ATP11C: variants seen among roughly 807,000 people sequenced by gnomAD.
ATP11C encodes ATPase phospholipid transporting 11C (ATP11C blood group).
A neutral mutation model predicts 97.4 loss-of-function variants in ATP11C; 36 were observed. The observed-to-expected ratio is 0.37, with a 90% CI of 0.28 to 0.49. The LOEUF (loss-of-function observed/expected upper bound fraction) is 0.49, where lower values mean the gene tolerates loss of function less well. Among genes scored for constraint, ATP11C ranks in the 20% least tolerant of loss-of-function variants. The pLI, the probability that ATP11C is intolerant of heterozygous loss-of-function variation, is 0.98. For synonymous variants in ATP11C, 275 were observed against 290.9 expected (o/e 0.95, Z 0.56); for missense variants, 730 against 824.6 (o/e 0.89, Z 1.40).
At chrX:139,789,530 G>A in intron 12 of ATP11C, 42 bp from the exon 13 acceptor site, 1 of 1,069,186 alleles carries the variant, frequency 9.4e-7, no homozygotes, top group Non-Finnish European at 1.2e-6. Context: ...TTTCTTCAGT[G>A]TGACTAATTT....
chrX:139,750,363 C>T (rs1017639011), intron 23 of ATP11C, among the ~76,000 whole-genome samples: 2 of 111,578 alleles, frequency 1.8e-5, no homozygotes, highest in African/African-American at 6.5e-5. Context: ...AATACACCTC[C>T]CCTTTAACAG....
rs139291634 is a variant in ATP11C at position 139,851,727 on chromosome X, T to C, written c.28-24904A>G. On this transcript the variant is annotated intron_variant, in intron 1 of 29. Transcript: ENST00000682941. ...TGGGGGCCAAATCTCTATCCCAGTG[T>C]ACCCAGGATGCAGGATATGTAGTCA... Among the ~76,000 whole-genome samples, 292 of 111,951 alleles carry C rather than the reference T, an allele frequency of 2.6e-3. 3 individuals carry two copies. The highest frequency in any genetic ancestry group is 8.9e-3 in the African/African-American group (275 of 30,817).
chrX:139,773,364 A>G lies in ATP11C; in HGVS notation c.2216+1326T>C, dbSNP rs939134822. On this transcript the variant is annotated intron_variant, in intron 19 of 29. Transcript: ENST00000682941. ...ATGAAGGTGGGGCCTCCATGATGGG[A>G]TTACTGCCCTTATAAGAGGAAGAGA... 6.3e-5 allele frequency among the ~76,000 whole-genome samples: 7 copies of G among 111,197 alleles called. 1 individual carries two copies. In the East Asian group the frequency reaches 1.1e-3, roughly 18 times the overall value.
At chrX:139,920,803 C>T (rs914272920) in intron 1 of ATP11C, among the ~76,000 whole-genome samples, 2 of 111,675 alleles carry the variant, frequency 1.8e-5, no homozygotes, top group East Asian at 2.8e-4. Flanking sequence ...GTAAAAGATC[C>T]CCCTGGAGCT....
chrX:139,899,417 C>A (rs1430209198), intron 1 of ATP11C, among the ~76,000 whole-genome samples: 3 of 106,795 alleles, frequency 2.8e-5, no homozygotes, highest in Non-Finnish European at 5.8e-5. Flanking sequence ...GCAGAGGTTG[C>A]AGTGAGCTGA....
chrX:139,844,665 A>G (rs932988228), intron 1 of ATP11C, among the ~76,000 whole-genome samples: 2 of 112,103 alleles, frequency 1.8e-5, no homozygotes, highest in Non-Finnish European at 3.8e-5. Context: ...GTGTGTGTGT[A>G]GGGGCCTGTG....
intron 1 of ATP11C, among the ~76,000 whole-genome samples, chrX:139,895,105 A>T (rs2084785458): frequency 1.8e-5 from 2 of 112,579 alleles, no homozygotes; most frequent in South Asian, 7.2e-4. Flanking sequence ...GTAAACGGAT[A>T]TAAGAGATAC....
intron 1 of ATP11C, among the ~76,000 whole-genome samples, chrX:139,859,996 T>C (rs1308182884): frequency 1.1e-5 from 1 of 89,909 alleles, no homozygotes; most frequent in Non-Finnish European, 2.0e-5. Context: ...TCCCAGCTAC[T>C]TGGGAGGCTG....
intron 1 of ATP11C, among the ~76,000 whole-genome samples, chrX:139,842,351 C>T (rs2083846608): frequency 2.7e-5 from 3 of 112,500 alleles, no homozygotes; most frequent in Admixed American, 9.4e-5. Flanking sequence ...TTCCTCCTGC[C>T]ATGTGCCATA....
intron 25 of ATP11C, among the ~76,000 whole-genome samples, chrX:139,745,383 G>C (rs2081659069): frequency 9.0e-6 from 1 of 111,664 alleles, no homozygotes. Flanking sequence ...AGTAAAAACT[G>C]AATGCGGCCA....
intron 1 of ATP11C, among the ~76,000 whole-genome samples, chrX:139,864,047 G>A (rs945275792): frequency 1.1e-4 from 12 of 111,164 alleles, no homozygotes; most frequent in South Asian, 3.8e-4. Context: ...CAGTCTGGGC[G>A]ACAGAGCAAG....
chrX:139,928,085 T>C (rs1569493951), intron 1 of ATP11C, among the ~76,000 whole-genome samples: 1 of 112,055 alleles, frequency 8.9e-6, no homozygotes, highest in East Asian at 2.8e-4. Context: ...AGGAAAATGT[T>C]AATTTATTAC....
intron 1 of ATP11C, among the ~76,000 whole-genome samples, chrX:139,920,570 G>T (rs1299149028): frequency 9.0e-6 from 1 of 111,395 alleles, no homozygotes; most frequent in South Asian, 3.8e-4. Context: ...GTTTCTTTTT[G>T]AGGTAGTGGA....
intron 2 of ATP11C, among the ~76,000 whole-genome samples, chrX:139,823,818 G>A (rs951651504): frequency 2.2e-4 from 25 of 111,455 alleles, no homozygotes; most frequent in Non-Finnish European, 3.6e-4. Flanking sequence ...ATAAACAAAC[G>A]GGACTTAAAT....
At chrX:139,848,384 G>T (rs768009334) in intron 1 of ATP11C, among the ~76,000 whole-genome samples, 1 of 110,947 alleles carries the variant, frequency 9.0e-6, no homozygotes, top group East Asian at 2.8e-4. Flanking sequence ...GAGAGAGTAG[G>T]ATCTGTTATC....
At position 139,728,270 on chromosome X, in the gene ATP11C, T is replaced by G; in HGVS notation, c.*696A>C. 1 of 111,782 alleles carries G rather than the reference T, an allele frequency of 8.9e-6. No individual in the cohort carries two copies. Among genetic ancestry groups the G allele is most frequent in the Admixed American group, 9.5e-5 (1 of 10,538 alleles). 9.2% of individuals were successfully genotyped at this position (111,782 alleles called of 1,213,427 possible). A position where few individuals can be genotyped will look rare whatever the true frequency, so the allele number is the denominator to read the frequency against. On this transcript the variant is annotated 3_prime_UTR_variant, in exon 30 of 30. Coordinates refer to ENST00000682941, the MANE Select transcript of ATP11C (RefSeq NM_001353812.2). ...ATAAGTGGGGTTTAATTCAGAAGAATAAAAAATAAACAATTTTTTTCTATT... is the reference window on the plus strand; with the variant it reads ...ATAAGTGGGGTTTAATTCAGAAGAAGAAAAAATAAACAATTTTTTTCTATT...
At chrX:139,745,022 C>T (rs774173668) in intron 25 of ATP11C, among the ~76,000 whole-genome samples, 35 of 111,354 alleles carry the variant, frequency 3.1e-4, no homozygotes, top group Non-Finnish European at 6.2e-4. Context: ...AATGAATGAC[C>T]ATAAAAGAAG....
At chrX:139,731,056 T>C in intron 29 of ATP11C, among the ~76,000 whole-genome samples, 1 of 111,649 alleles carries the variant, frequency 9.0e-6, no homozygotes, top group Non-Finnish European at 1.9e-5. Context: ...AGTTGAAACA[T>C]TTAGCTTGAA....
At position 139,776,283 on chromosome X, in the gene ATP11C, T is replaced by C. The variant is rs192329199; in HGVS notation, c.1953-1330A>G. Among the ~76,000 whole-genome samples, 197 of 111,755 alleles carry C rather than the reference T, an allele frequency of 1.8e-3. 2 individuals are homozygous for C. Among genetic ancestry groups the C allele is most frequent in the African/African-American group, 5.7e-3 (175 of 30,726 alleles). ...CCTGCTGAAAACGAGCTCAGGCCAA[T>C]TGGGCTTTCACAAAGGGTGGGGCCC... On this transcript the variant is annotated intron_variant, in intron 18 of 29. Coordinates refer to ENST00000682941, the MANE Select transcript of ATP11C (RefSeq NM_001353812.2).
Sources: allele counts gnomAD v4.1 joint callset (sites outside exome capture counted in the v4.1 genomes callset), GRCh38; gene constraint gnomAD v4.1.1; transcripts MANE v1.5; gene names NCBI Gene and HGNC (gene_info 2026-07-23, HGNC 2026-07-21).